Variants in MYO9A observed in about 807,000 individuals in gnomAD.
MYO9A encodes unconventional myosin-IXa.
MYO9A carries 103 observed loss-of-function variants against 293.3 expected under a neutral mutation model. The observed-to-expected ratio is 0.35, with a 90% confidence interval of 0.30 to 0.41. The LOEUF (loss-of-function observed/expected upper bound fraction) is 0.41, where lower values mean the gene tolerates loss of function less well. MYO9A is among the 10% of genes least tolerant of loss of function. The probability of loss-of-function intolerance (pLI) is 1.00; values close to 1 mark genes in which losing one functional copy is unlikely to be tolerated. For synonymous variants in MYO9A, 1,001 were observed against 1,035.7 expected (o/e 0.97, Z 0.64); for missense variants, 2,685 against 3,033.0 (o/e 0.89, Z 2.69).
intron 33 of MYO9A, 21 bp from the exon 34 acceptor site, chr15:71,859,817 G>T (rs760480101): frequency 6.2e-7 from 1 of 1,606,354 alleles, no homozygotes; most frequent in South Asian, 1.1e-5. Flanking sequence ...GGTGAGGAAT[G>T]CAACATTTTT....
chr15:72,047,899 T>C (rs1319512311), intron 1 of MYO9A, among the ~76,000 whole-genome samples: 1 of 146,778 alleles, frequency 6.8e-6, no homozygotes, highest in Non-Finnish European at 1.5e-5. Context: ...CACCTCAACC[T>C]GGCTGGGACT....
intron 11 of MYO9A, among the ~76,000 whole-genome samples, chr15:71,985,383 T>C (rs2076385018): frequency 6.6e-6 from 1 of 152,322 alleles, no homozygotes. Flanking sequence ...TGGTGGAGAT[T>C]GTATTTGCTC....
chr15:72,032,457 G>A (rs774037690), intron 3 of MYO9A, 37 bp downstream of exon 3: 11 of 1,313,820 alleles, frequency 8.4e-6, no homozygotes, highest in Middle Eastern at 1.9e-4. Flanking sequence ...ATTAAAACAT[G>A]CTCCAAAGCC....
At chr15:72,065,432 T>C (rs953365920) in intron 1 of MYO9A, among the ~76,000 whole-genome samples, 1 of 151,346 alleles carries the variant, frequency 6.6e-6, no homozygotes, top group African/African-American at 2.4e-5. Flanking sequence ...GGAGAATGGC[T>C]TGAACCCGGG....
intron 1 of MYO9A, among the ~76,000 whole-genome samples, chr15:72,071,709 C>CCCA (rs1172415861): frequency 6.6e-6 from 1 of 151,948 alleles, no homozygotes; most frequent in Non-Finnish European, 1.5e-5. Flanking sequence ...GAGCCATGAT[C>CCCA]CCACCACTGC....
At chr15:71,832,951 T>C (rs1480861032) in intron 39 of MYO9A, among the ~76,000 whole-genome samples, 5 of 152,014 alleles carry the variant, frequency 3.3e-5, no homozygotes, top group Non-Finnish European at 1.5e-5. Flanking sequence ...CACAGATCTG[T>C]TTTCACCATT....
At chr15:71,880,584 A>C (rs1364149834) in intron 28 of MYO9A, 26 bp from the exon 29 acceptor site, 4 of 1,574,290 alleles carry the variant, frequency 2.5e-6, no homozygotes, top group Non-Finnish European at 3.5e-6. Flanking sequence ...GAAGACCCAA[A>C]AGGACACATT....
In MYO9A at chr15:71,990,453, T is replaced by C. The variant is rs115148252; in HGVS notation, c.1722+650A>G. Reference sequence around the variant, plus strand: ...ACAATGATATGTGGACCACAATATTTGTATTGAAAGACAAGATTTAGGCTG... The same window carrying C: ...ACAATGATATGTGGACCACAATATTCGTATTGAAAGACAAGATTTAGGCTG... On this transcript the variant is annotated intron_variant, in intron 11 of 41. Coordinates refer to ENST00000356056, the MANE Select transcript of MYO9A (RefSeq NM_006901.4). Among the ~76,000 whole-genome samples, 686 of 152,154 alleles carry C rather than the reference T, an allele frequency of 4.5e-3. 4 individuals are homozygous for C. The highest frequency in any genetic ancestry group is 0.015 in the African/African-American group (642 of 41,528).
Position 72,050,243 on chromosome 15 carries a change from A to G in MYO9A, c.-71-3609T>C, listed in dbSNP as rs1179348674. ...GATCACAAGCCAGTCCTTACTAAAC[A>G]GCTTGGAAAATCTGTACTTGCAAAT... On this transcript the variant is annotated intron_variant, in intron 1 of 41. Coordinates refer to ENST00000356056, the MANE Select transcript of MYO9A (RefSeq NM_006901.4). Among the ~76,000 whole-genome samples the G allele has an allele frequency of 2.0e-5, 3 of 152,056 alleles. No individual in the cohort carries two copies. The East Asian group carries it at 5.8e-4, about 29-fold the overall frequency.
At chr15:72,031,184 G>A (rs2077857545) in intron 3 of MYO9A, among the ~76,000 whole-genome samples, 1 of 152,072 alleles carries the variant, frequency 6.6e-6, no homozygotes, top group Admixed American at 6.6e-5. Context: ...ACCAGTCCCT[G>A]GCACCAAAAA....
chr15:71,898,807 G>A lies in MYO9A; in HGVS notation c.3696C>T (p.Asn1232=), dbSNP rs1410988056. Residue 1232 remains asparagine, a synonymous_variant, in exon 25 of 42, where the codon AAC becomes AAT. Transcript: ENST00000356056. ...GGCTTTGGGCTCTCTCCTGCTGCTT[G>A]TTTGGTGACTCCTTCAAGCAGTCCA... ...SSVDCLKESP[N]KQQERAQSQS... The A allele has an allele frequency of 6.2e-7, 1 of 1,614,136 alleles. No individual in the cohort carries two copies. The highest frequency in any genetic ancestry group is 1.3e-5 in the African/African-American group (1 of 75,020).
At chr15:71,937,994 T>C (rs939992765) in intron 16 of MYO9A, among the ~76,000 whole-genome samples, 6 of 152,142 alleles carry the variant, frequency 3.9e-5, no homozygotes, top group Non-Finnish European at 8.8e-5. Context: ...AATATAAAGA[T>C]AGCAAATAGC....
At position 71,893,019 on chromosome 15, in the gene MYO9A, A is replaced by G. The variant is rs566965579; in HGVS notation, c.5142+660T>C. On this transcript the variant is annotated intron_variant, in intron 26 of 41. Transcript: ENST00000356056. The stretch of plus-strand genomic sequence containing the variant: ...CCAGGCTGGGTGCAGGCCCTAGCTC[A>G]CAGTGAGAAGCTTGGTCAAGGGAGA... The G allele has an allele frequency of 2.9e-4, 372 of 1,289,804 alleles. 1 individual carries two copies. The African/African-American group carries it at 4.9e-3, about 17-fold the overall frequency. 79.9% of individuals were successfully genotyped at this position (1,289,804 alleles called of 1,614,324 possible). A position where few individuals can be genotyped will look rare whatever the true frequency, so the allele number is the denominator to read the frequency against.
Position 71,903,982 on chromosome 15 carries a change from G to C in MYO9A, c.2824C>G (p.Leu942Val), listed in dbSNP as rs550097462. The C allele has an allele frequency of 8.7e-6, 14 of 1,614,058 alleles. No homozygotes were observed. The highest frequency in any genetic ancestry group is 3.3e-4 in the Middle Eastern group (2 of 6,062). Residue 942 changes from leucine (L) to valine (V), a missense_variant, in exon 21 of 42, where the codon CTG becomes GTG. By Grantham distance (32) the Leu-to-Val change is conservative (BLOSUM62 1). Around this residue, in one of 10 missense-constraint regions of MYO9A, gnomAD observed 1,434 missense variants for 1,497.7 expected, o/e 0.96. Coordinates refer to ENST00000356056, the MANE Select transcript of MYO9A (RefSeq NM_006901.4). ...GATTGGCGAATTCGAACTGTTTCCA[G>C]CATCCCGGTGTATCGAAGCTGTCTA... is the stretch of plus-strand genomic sequence containing the variant. ...VLRQLRYTGM[L>V]ETVRIRQSGY... is the part of the protein sequence containing the mutation.
chr15:71,969,380 A>G lies in MYO9A; in HGVS notation c.1845-1255T>C, dbSNP rs78128416. Among the ~76,000 whole-genome samples the G allele has an allele frequency of 4.7e-3, 722 of 152,370 alleles. 7 individuals carry two copies. The highest frequency in any genetic ancestry group is 0.017 in the African/African-American group (695 of 41,592). The stretch of plus-strand genomic sequence containing the variant: ...AAACAGAGACAACAGCACAGCTCCT[A>G]TAACAGTCTCACCAATCTTCTTTCA... On this transcript the variant is annotated intron_variant, in intron 12 of 41. Coordinates refer to ENST00000356056, the MANE Select transcript of MYO9A (RefSeq NM_006901.4).
rs766397720 is a variant in MYO9A at position 72,032,502 on chromosome 15, A to G, written c.927T>C (p.Thr309=). 2 of 1,599,488 alleles carry G rather than the reference A, an allele frequency of 1.3e-6. No homozygotes were observed. The highest frequency in any genetic ancestry group is 2.3e-5 in the East Asian group (1 of 44,256). ...FIQVNYQETG[T]VLGAYVEKYL... is the part of the protein sequence containing the mutation. ...TAAGTAGCAGTACTTACCCAAGTACAGTGCCTGTTTCCTGGTAATTTACTT... is the reference window on the plus strand; with the variant it reads ...TAAGTAGCAGTACTTACCCAAGTACGGTGCCTGTTTCCTGGTAATTTACTT... The change falls in exon 3 of 42, where the codon ACT becomes ACC. Residue 309 remains threonine (T), a synonymous_variant. Coordinates refer to ENST00000356056, the MANE Select transcript of MYO9A (RefSeq NM_006901.4).
chr15:72,088,859 C>G (rs1030511553), intron 1 of MYO9A, among the ~76,000 whole-genome samples: 3 of 152,192 alleles, frequency 2.0e-5, no homozygotes, highest in Non-Finnish European at 4.4e-5. Context: ...GCTAACCCAC[C>G]ATCAACAAAA....
rs1216368298 is a variant in MYO9A at position 72,005,943 on chromosome 15, A to AT, written c.1380+1882dup. 4.6e-5 allele frequency among the ~76,000 whole-genome samples: 7 copies of AT among 152,370 alleles called. No homozygotes were observed. In the East Asian group the frequency reaches 1.3e-3, roughly 29 times the overall value. On this transcript the variant is annotated intron_variant, in intron 8 of 41. Coordinates refer to ENST00000356056, the MANE Select transcript of MYO9A (RefSeq NM_006901.4). ...TATTTTTTAAAAAAGCAAGTTATTC[A>AT]TAACTGTCAAAAACTGGAAACAACC...
At chr15:71,957,223 C>T (rs1194302727) in intron 14 of MYO9A, among the ~76,000 whole-genome samples, 2 of 152,154 alleles carry the variant, frequency 1.3e-5, no homozygotes, top group African/African-American at 2.4e-5. Context: ...CATATCCTCA[C>T]TAAAATATGT....
Sources: allele counts gnomAD v4.1 joint callset (sites outside exome capture counted in the v4.1 genomes callset), GRCh38; gene constraint gnomAD v4.1.1; regional missense constraint gnomAD v4.1.1; transcripts MANE v1.5; gene names NCBI Gene and HGNC (gene_info 2026-07-23, HGNC 2026-07-21).